Variants in ZNF679 observed in about 807,000 individuals in gnomAD.
ZNF679 encodes the protein zinc finger protein 679.
ZNF679 carries 10 observed loss-of-function variants against 13.4 expected under a neutral mutation model. The observed-to-expected ratio is 0.75, with a 90% confidence interval of 0.46 to 1.27. The LOEUF is 1.27. ZNF679 is among the 50% of genes most tolerant of loss of function. The probability of loss-of-function intolerance (pLI) is 0.00; values close to 1 mark genes in which losing one functional copy is unlikely to be tolerated. For missense variants in ZNF679, 525 were observed against 477.8 expected (o/e 1.10, Z -0.92); for synonymous variants, 179 against 162.5 (o/e 1.10, Z -0.77).
chr7:64,239,179 A>G (rs1289819929), intron 1 of ZNF679, among the ~76,000 whole-genome samples: 2 of 152,192 alleles, frequency 1.3e-5, no homozygotes, highest in Non-Finnish European at 2.9e-5. Context: ...GGGGCAGTTA[A>G]GAGTTGTAAT....
chr7:64,258,871 A>C (rs1274977401), intron 2 of ZNF679, among the ~76,000 whole-genome samples: 1 of 150,782 alleles, frequency 6.6e-6, no homozygotes, highest in Non-Finnish European at 1.5e-5. Flanking sequence ...TTTTCTATAT[A>C]GCATAGTCTT....
chr7:64,246,402 G>A (rs191256243), intron 1 of ZNF679, among the ~76,000 whole-genome samples: 61 of 152,228 alleles, frequency 4.0e-4, no homozygotes, highest in African/African-American at 1.3e-3. Context: ...ATCCAGAACC[G>A]AAGAGTGGGT....
chr7:64,260,123 C>A, intron 2 of ZNF679, 98 bp from the exon 3 acceptor site: 1 of 1,078,274 alleles, frequency 9.3e-7, no homozygotes. Flanking sequence ...CTTCTTTTTA[C>A]TCTCTAACTT....
Position 64,260,314 on chromosome 7 carries a change from A to G in ZNF679, c.133A>G (p.Met45Val). The change falls in exon 3 of 5, where the codon ATG becomes GTG. Residue 45 changes from methionine (M) to valine (V), a missense_variant. Met to Val is a conservative substitution (Grantham distance 21). Coordinates refer to ENST00000421025, the MANE Select transcript of ZNF679 (RefSeq NM_153363.3). ...HAQQNLYRDV[M>V]LENYRNLVSL... ...TCAGCAGAATTTATATAGAGATGTGATGTTAGAGAACTACAGAAACCTGGT... is the reference window on the plus strand; with the variant it reads ...TCAGCAGAATTTATATAGAGATGTGGTGTTAGAGAACTACAGAAACCTGGT... 6.2e-7 allele frequency: 1 copy of G among 1,612,298 alleles called. No homozygotes were observed. Among genetic ancestry groups the G allele is most frequent in the South Asian group, 1.1e-5 (1 of 90,650 alleles).
At position 64,257,574 on chromosome 7, in the gene ZNF679, T is replaced by G. The variant is rs1788019805; in HGVS notation, c.40-2647T>G. ...ACATTATGTGTTATTCCCAGCACGG[T>G]ATTCTGTGACATGCTCCTGAGCACA... is the stretch of plus-strand genomic sequence containing the variant. On this transcript the variant is annotated intron_variant, in intron 2 of 4. Coordinates refer to ENST00000421025, the MANE Select transcript of ZNF679 (RefSeq NM_153363.3). Among the ~76,000 whole-genome samples the G allele has an allele frequency of 2.6e-5, 4 of 152,312 alleles. 1 individual carries two copies. In the South Asian group the frequency reaches 8.3e-4, roughly 32 times the overall value.
chr7:64,258,587 G>C (rs1323705628), intron 2 of ZNF679, among the ~76,000 whole-genome samples: 1 of 151,880 alleles, frequency 6.6e-6, no homozygotes, highest in South Asian at 2.1e-4. Flanking sequence ...TGTAATCTGA[G>C]CTACTGAGGA....
At chr7:64,261,597 C>T (rs1788077894) in intron 4 of ZNF679, among the ~76,000 whole-genome samples, 1 of 152,054 alleles carries the variant, frequency 6.6e-6, no homozygotes, top group African/African-American at 2.4e-5. Flanking sequence ...AAAGAACATT[C>T]ATATTTTTTA....
intron 1 of ZNF679, among the ~76,000 whole-genome samples, chr7:64,244,071 G>A (rs1787835337): frequency 1.3e-5 from 2 of 152,086 alleles, no homozygotes; most frequent in Non-Finnish European, 2.9e-5. Context: ...CCAATATGGT[G>A]AAACTTGGTC....
At chr7:64,253,176 A>G (rs558375150) in intron 2 of ZNF679, among the ~76,000 whole-genome samples, 2 of 152,344 alleles carry the variant, frequency 1.3e-5, no homozygotes, top group Admixed American at 1.3e-4. Context: ...TGCTTTTCTC[A>G]TTGAGCTATA....
chr7:64,260,437 A>T, intron 3 of ZNF679, 90 bp downstream of exon 3: 1 of 1,523,172 alleles, frequency 6.6e-7, no homozygotes, highest in Non-Finnish European at 8.8e-7. Context: ...TGCATGAGTG[A>T]ATTTTAGCTC....
At chr7:64,265,126 T>G (rs1280755138) in intron 4 of ZNF679, among the ~76,000 whole-genome samples, 2 of 152,150 alleles carry the variant, frequency 1.3e-5, no homozygotes, top group Non-Finnish European at 2.9e-5. Flanking sequence ...GACCATGTTG[T>G]CTTCATGTTT....
chr7:64,259,712 G>A (rs1403287223), intron 2 of ZNF679, among the ~76,000 whole-genome samples: 2 of 152,120 alleles, frequency 1.3e-5, no homozygotes, highest in East Asian at 1.9e-4. Context: ...TGGATCACCT[G>A]AGGTTAGGAG....
chr7:64,249,174 C>A lies in ZNF679; in HGVS notation c.39+18C>A, dbSNP rs764234104. On this transcript the variant is annotated intron_variant, in intron 2 of 4. Coordinates refer to ENST00000421025, the MANE Select transcript of ZNF679 (RefSeq NM_153363.3). ...GAGAAATGGTGAGTGCTGGGTCTGT[C>A]ACCGTGAGAGAGGGGTGAGGGCTGG... is the stretch of plus-strand genomic sequence containing the variant. The A allele has an allele frequency of 4.3e-6, 7 of 1,614,088 alleles. No individual in the cohort carries two copies. Among genetic ancestry groups the A allele is most frequent in the Admixed American group, 1.7e-5 (1 of 60,000 alleles).
intron 1 of ZNF679, among the ~76,000 whole-genome samples, chr7:64,230,223 C>A (rs1787617843): frequency 6.6e-6 from 1 of 152,200 alleles, no homozygotes; most frequent in South Asian, 2.1e-4. Context: ...AGAGATATGT[C>A]CAAATTTCCC....
chr7:64,238,871 C>T (rs1366430642), intron 1 of ZNF679, among the ~76,000 whole-genome samples: 2 of 152,150 alleles, frequency 1.3e-5, no homozygotes, highest in African/African-American at 4.8e-5. Flanking sequence ...GTGACATATA[C>T]TTTGACCCAG....
chr7:64,243,293 C>T (rs192864033), intron 1 of ZNF679, among the ~76,000 whole-genome samples: 5 of 152,266 alleles, frequency 3.3e-5, no homozygotes, highest in African/African-American at 1.2e-4. Flanking sequence ...ACCATCCCAC[C>T]TGTGGGCAGA....
chr7:64,248,915 A>G (rs1787903854), intron 1 of ZNF679, 113 bp from the exon 2 acceptor site: 2 of 781,274 alleles, frequency 2.6e-6, no homozygotes, highest in Non-Finnish European at 4.0e-6. Context: ...GTGGGTCCTG[A>G]AACCTTATCC....
At chr7:64,253,517 G>A (rs1787968102) in intron 2 of ZNF679, among the ~76,000 whole-genome samples, 1 of 152,162 alleles carries the variant, frequency 6.6e-6, no homozygotes, top group African/African-American at 2.4e-5. Flanking sequence ...TAGAATAGAT[G>A]GGAATTGGAA....
At chr7:64,253,286 A>G (rs975023034) in intron 2 of ZNF679, among the ~76,000 whole-genome samples, 4 of 152,192 alleles carry the variant, frequency 2.6e-5, no homozygotes, top group Non-Finnish European at 5.9e-5. Context: ...CTAAGTGAAC[A>G]TCTCTGACTT....
Sources: allele counts gnomAD v4.1 joint callset (sites outside exome capture counted in the v4.1 genomes callset), GRCh38; gene constraint gnomAD v4.1.1; transcripts MANE v1.5; gene names NCBI Gene and HGNC (gene_info 2026-07-23, HGNC 2026-07-21).